TXNRD1: variants seen among roughly 807,000 people sequenced by gnomAD.
TXNRD1 encodes the protein thioredoxin reductase 1.
A neutral mutation model predicts 80.3 loss-of-function variants in TXNRD1; 57 were observed. That is an observed-to-expected ratio of 0.71 (90% CI 0.57 to 0.89). The LOEUF (loss-of-function observed/expected upper bound fraction) is 0.89. Among genes scored for constraint, TXNRD1 ranks in the 40% least tolerant of loss-of-function variants. The pLI, the probability that TXNRD1 is intolerant of heterozygous loss-of-function variation, is 0.00. For missense variants in TXNRD1, 730 were observed against 803.0 expected (o/e 0.91, Z 1.10); for synonymous variants, 291 against 285.2 (o/e 1.02, Z -0.20).
Position 104,254,641 on chromosome 12 carries a change from AAAAATAT to A in TXNRD1, c.243+2965_243+2971del, listed in dbSNP as rs1267330794. Among the ~76,000 whole-genome samples the A allele has an allele frequency of 1.5e-4, 19 of 129,598 alleles. No individual in the cohort carries two copies. In the Admixed American group the frequency reaches 1.5e-3, roughly 10 times the overall value. 85.0% of individuals were successfully genotyped at this position (129,598 alleles called of 152,430 possible). The stretch of plus-strand genomic sequence containing the variant: ...ACTCTATGTCTATGGAAAAAAAAAA[AAAAATAT>A]ATATATATATATATATATCAGCATG... On this transcript the variant is annotated intron_variant, in intron 2 of 16. Transcript: ENST00000525566.
chr12:104,291,145 TAAAAG>T (rs917716780), intron 4 of TXNRD1: 52 of 575,576 alleles, frequency 9.0e-5, no homozygotes, highest in Middle Eastern at 7.7e-4. Flanking sequence ...CAAGAACACT[TAAAAG>T]AAATCATTTA....
At chr12:104,220,451 C>T (rs2032324342) in intron 1 of TXNRD1, among the ~76,000 whole-genome samples, 1 of 151,788 alleles carries the variant, frequency 6.6e-6, no homozygotes, top group South Asian at 2.1e-4. Flanking sequence ...AGGCCAGGTG[C>T]GGTAGATCAT....
rs1246176113 is a variant in TXNRD1, at chr12:104,233,433, G to A, written c.91+17540G>A. Among the ~76,000 whole-genome samples, 10 of 152,194 alleles carry A rather than the reference G, an allele frequency of 6.6e-5. 1 individual carries two copies. In the Middle Eastern group the frequency reaches 0.017, roughly 259 times the overall value. On this transcript the variant is annotated intron_variant, in intron 1 of 16. Coordinates refer to ENST00000525566, the MANE Select transcript of TXNRD1 (RefSeq NM_001093771.3). ...GATGCAAACAATTATATTGCCATAA[G>A]TTAAGAGTACTCACAGAGAGTTTCC...
At chr12:104,346,115 C>A in intron 16 of TXNRD1, 1 of 660,290 alleles carries the variant, frequency 1.5e-6, no homozygotes, top group Non-Finnish European at 2.4e-6. Context: ...CAAGCTCAAG[C>A]GATGTTCCTG....
rs1565862725 is a variant in TXNRD1, at chr12:104,251,637, G to A, written c.202G>A (p.Val68Met). The part of the protein sequence containing the change: ...LLQAYIDGHS[V>M]VIFSRSTCTR... ...TCAGGCCTATATAGATGGTCACTCT[G>A]TGGTCATCTTCAGTAGGTCCACATG... The change falls in exon 2 of 17, where the codon GTG becomes ATG. Residue 68 changes from valine (V) to methionine (M), a missense_variant. Physicochemically the swap from Val to Met is conservative, Grantham distance 21. Coordinates refer to ENST00000525566, the MANE Select transcript of TXNRD1 (RefSeq NM_001093771.3). The A allele has an allele frequency of 6.2e-7, 1 of 1,613,994 alleles. No individual in the cohort carries two copies. The highest frequency in any genetic ancestry group is 2.2e-5 in the East Asian group (1 of 44,888).
chr12:104,323,926 G>A (rs1211304575), intron 10 of TXNRD1, among the ~76,000 whole-genome samples: 1 of 152,218 alleles, frequency 6.6e-6, no homozygotes, highest in Non-Finnish European at 1.5e-5. Context: ...GGTTACCAGA[G>A]TATCTGATTC....
rs2032925938 is a variant in TXNRD1, at chr12:104,243,773, A to T, written c.92-7754A>T. On this transcript the variant is annotated intron_variant, in intron 1 of 16. Transcript: ENST00000525566. ...TATAAAATTTTTATCATCACACTTG[A>T]AGTGATCGTGTTGCTCATTAATGGC... Among the ~76,000 whole-genome samples, 4 of 152,226 alleles carry T rather than the reference A, an allele frequency of 2.6e-5. No individual in the cohort carries two copies. The South Asian group carries it at 8.3e-4, about 32-fold the overall frequency.
intron 14 of TXNRD1, among the ~76,000 whole-genome samples, chr12:104,332,925 G>GTA (rs138487532): frequency 8.6e-5 from 13 of 150,858 alleles, no homozygotes; most frequent in South Asian, 2.1e-4. Flanking sequence ...TATATTTTAT[G>GTA]TATATATATA....
chr12:104,249,523 T>G (rs1370985578), intron 1 of TXNRD1, among the ~76,000 whole-genome samples: 1 of 152,222 alleles, frequency 6.6e-6, no homozygotes, highest in East Asian at 1.9e-4. Context: ...GACCCTGTCT[T>G]GACATTGTAT....
At chr12:104,303,754 C>T in intron 4 of TXNRD1, 4 of 1,059,014 alleles carry the variant, frequency 3.8e-6, no homozygotes, top group South Asian at 1.8e-5. Flanking sequence ...CGGGCGTCCT[C>T]GGCTCTAACT....
chr12:104,222,913 C>T (rs1055669935), intron 1 of TXNRD1, among the ~76,000 whole-genome samples: 1 of 152,136 alleles, frequency 6.6e-6, no homozygotes, highest in Non-Finnish European at 1.5e-5. Context: ...TACGAGTTAA[C>T]ATGAAACTTC....
At chr12:104,266,226 G>A (rs930732874) in intron 3 of TXNRD1, among the ~76,000 whole-genome samples, 7 of 152,014 alleles carry the variant, frequency 4.6e-5, no homozygotes, top group African/African-American at 1.7e-4. Flanking sequence ...TTTCCTCATG[G>A]GATAATAATA....
chr12:104,241,109 G>T (rs977960792), intron 1 of TXNRD1, among the ~76,000 whole-genome samples: 3 of 150,976 alleles, frequency 2.0e-5, no homozygotes, highest in African/African-American at 7.3e-5. Flanking sequence ...GCATGGTCTC[G>T]GCTCACTGCA....
At chr12:104,268,355 C>CAA (rs137904840) in intron 3 of TXNRD1, among the ~76,000 whole-genome samples, 51 of 144,308 alleles carry the variant, frequency 3.5e-4, no homozygotes, top group African/African-American at 6.8e-4. Flanking sequence ...ACTAAAAATA[C>CAA]AAAAAAAAAA....
In TXNRD1 at chr12:104,241,544, A is replaced by G. The variant is rs2032865872; in HGVS notation, c.92-9983A>G. Among the ~76,000 whole-genome samples the G allele has an allele frequency of 4.0e-5, 6 of 150,250 alleles. No individual in the cohort carries two copies. The South Asian group carries it at 1.3e-3, about 32-fold the overall frequency. On this transcript the variant is annotated intron_variant, in intron 1 of 16. Transcript: ENST00000525566. The stretch of plus-strand genomic sequence containing the variant: ...TGCCACCACGACCGGCTAATTTTGT[A>G]TTTTTAGTAGAGACGGACTCTCCAC...
At chr12:104,271,001 A>G (rs1008069709) in intron 3 of TXNRD1, among the ~76,000 whole-genome samples, 2 of 151,958 alleles carry the variant, frequency 1.3e-5, no homozygotes, top group Non-Finnish European at 2.9e-5. Flanking sequence ...ATACAAAAAA[A>G]TTAGCCGGGT....
intron 10 of TXNRD1, among the ~76,000 whole-genome samples, chr12:104,321,665 G>A (rs2035535105): frequency 6.6e-6 from 1 of 152,038 alleles, no homozygotes; most frequent in East Asian, 1.9e-4. Flanking sequence ...TTCAACACTA[G>A]GCCCCACCTG....
chr12:104,326,160 T>C (rs891166165), intron 11 of TXNRD1, among the ~76,000 whole-genome samples, 187 bp from the exon 12 acceptor site: 1 of 152,218 alleles, frequency 6.6e-6, no homozygotes, highest in African/African-American at 2.4e-5. Context: ...ATATCATATA[T>C]GTTCAAAGGA....
At position 104,253,176 on chromosome 12, in the gene TXNRD1, T is replaced by A. The variant is rs993281341; in HGVS notation, c.243+1498T>A. 5.3e-5 allele frequency among the ~76,000 whole-genome samples: 8 copies of A among 152,194 alleles called. No individual in the cohort carries two copies. In the South Asian group the frequency reaches 1.5e-3, roughly 28 times the overall value. ...CTGTTTCTCTCTCTCGTTCTGCATG[T>A]GTGTGTGTCTGTGCACACGTGCACT... On this transcript the variant is annotated intron_variant, in intron 2 of 16. Transcript: ENST00000525566.
Sources: allele counts gnomAD v4.1 joint callset (sites outside exome capture counted in the v4.1 genomes callset), GRCh38; gene constraint gnomAD v4.1.1; transcripts MANE v1.5; gene names NCBI Gene and HGNC (gene_info 2026-07-23, HGNC 2026-07-21).